Variants in MAML3 observed in about 807,000 individuals in gnomAD.
MAML3 encodes the protein mastermind like transcriptional coactivator 3.
MAML3 carries 27 observed loss-of-function variants against 101.9 expected under a neutral mutation model. The ratio of observed to expected loss-of-function variants is 0.27; its 90% CI spans 0.20 to 0.37. MAML3 has a LOEUF of 0.37. Ranked by LOEUF, MAML3 falls within the 10% of genes least tolerant of loss-of-function variation. MAML3 has a pLI of 1.00. For missense variants in MAML3, 1,316 were observed against 1,444.9 expected, an observed-to-expected ratio of 0.91 and a Z score of 1.45; for synonymous variants, 501 against 555.9, an observed-to-expected ratio of 0.90 and a Z score of 1.39.
intron 1 of MAML3, among the ~76,000 whole-genome samples, chr4:140,140,764 T>C (rs1304728268): frequency 1.1e-4 from 16 of 152,148 alleles, no homozygotes; most frequent in Non-Finnish European, 1.5e-5. Context: ...ACATGTACCT[T>C]GTACAAGGTT....
chr4:139,742,650 G>C (rs1249663642), intron 2 of MAML3, among the ~76,000 whole-genome samples: 1 of 152,192 alleles, frequency 6.6e-6, no homozygotes, highest in Non-Finnish European at 1.5e-5. Context: ...CCTCAGCTGT[G>C]TAAAGGAAAA....
At position 139,979,282 on chromosome 4, in the gene MAML3, T is replaced by C. The variant is rs138440193; in HGVS notation, c.469-88315A>G. 7.2e-5 allele frequency among the ~76,000 whole-genome samples: 11 copies of C among 152,304 alleles called. No homozygotes were observed. The East Asian group carries it at 2.1e-3, about 29-fold the overall frequency. ...CAACATGCTAGAAATGAGTCTAGAC[T>C]TACCTGGCTCATAGCTCCCTCTTTA... is the stretch of plus-strand genomic sequence containing the variant. On this transcript the variant is annotated intron_variant, in intron 1 of 4. Coordinates refer to ENST00000509479, the MANE Select transcript of MAML3 (RefSeq NM_018717.5).
At chr4:139,899,586 C>T (rs1258962608) in intron 1 of MAML3, among the ~76,000 whole-genome samples, 2 of 152,112 alleles carry the variant, frequency 1.3e-5, no homozygotes, top group Admixed American at 6.5e-5. Flanking sequence ...AAAGTGACCA[C>T]ATGCCACACA....
At chr4:140,147,873 C>T (rs189480717) in intron 1 of MAML3, among the ~76,000 whole-genome samples, 185 of 152,010 alleles carry the variant, frequency 1.2e-3, no homozygotes, top group Non-Finnish European at 1.8e-3. Context: ...ACACTGGATC[C>T]CTTCTATGAC....
intron 1 of MAML3, among the ~76,000 whole-genome samples, chr4:140,082,345 C>A (rs1030435000): frequency 1.3e-5 from 2 of 152,304 alleles, no homozygotes; most frequent in African/African-American, 4.8e-5. Flanking sequence ...ATTTTTCAGG[C>A]CTCGTCTAAT....
In MAML3 at chr4:139,876,273, A is replaced by G. The variant is rs190219688; in HGVS notation, c.2079+13084T>C. Among the ~76,000 whole-genome samples, 536 of 152,370 alleles carry G rather than the reference A, an allele frequency of 3.5e-3. 3 individuals carry two copies. Among genetic ancestry groups the G allele is most frequent in the African/African-American group, 0.012 (504 of 41,586 alleles). On this transcript the variant is annotated intron_variant, in intron 2 of 4. Coordinates refer to ENST00000509479, the MANE Select transcript of MAML3 (RefSeq NM_018717.5). ...GCTTTTTACCTTTTGCAACATGGCC[A>G]ATAGAAATTTAAAAATCACATAGTT...
chr4:139,772,240 C>CAAAA lies in MAML3; in HGVS notation c.2080-41577_2080-41574dup, dbSNP rs1213721738. Among the ~76,000 whole-genome samples the CAAAA allele has an allele frequency of 1.1e-3, 45 of 39,262 alleles. 1 individual carries two copies. The highest frequency in any genetic ancestry group is 3.1e-3 in the African/African-American group (21 of 6,726). The allele number at this position is 39,262 out of a possible 152,430, so 25.8% of individuals were successfully genotyped here. A position where few individuals can be genotyped will look rare whatever the true frequency, so the allele number is the denominator to read the frequency against. Reference sequence around the variant, plus strand: ...GGGTGACAGAGCGAGACTCCGTTCTCAAAAAAAAAAAAAAAAAAAAAAAAA... The same window carrying CAAAA: ...GGGTGACAGAGCGAGACTCCGTTCTCAAAAAAAAAAAAAAAAAAAAAAAAAAAAA... On this transcript the variant is annotated intron_variant, in intron 2 of 4. Transcript: ENST00000509479.
intron 1 of MAML3, among the ~76,000 whole-genome samples, chr4:139,923,972 G>A (rs911614117): frequency 6.6e-6 from 1 of 152,212 alleles, no homozygotes. Flanking sequence ...TGTAAAGTCT[G>A]TAGGAATGTT....
At chr4:139,861,941 G>A (rs1731791714) in intron 2 of MAML3, among the ~76,000 whole-genome samples, 1 of 152,154 alleles carries the variant, frequency 6.6e-6, no homozygotes, top group South Asian at 2.1e-4. Context: ...TGGGTGCAGT[G>A]GCTCATCCTA....
At chr4:140,058,965 G>A (rs530325065) in intron 1 of MAML3, among the ~76,000 whole-genome samples, 19 of 152,268 alleles carry the variant, frequency 1.2e-4, no homozygotes, top group Admixed American at 8.5e-4. Flanking sequence ...ATAAAACGCC[G>A]GTAATGGCAT....
At chr4:139,878,761 A>ATT (rs1228571140) in intron 2 of MAML3, among the ~76,000 whole-genome samples, 1 of 152,212 alleles carries the variant, frequency 6.6e-6, no homozygotes, top group African/African-American at 2.4e-5. Context: ...ATTGAGCATC[A>ATT]GAACACGGAA....
At chr4:140,011,892 G>C (rs1198254163) in intron 1 of MAML3, among the ~76,000 whole-genome samples, 1 of 151,992 alleles carries the variant, frequency 6.6e-6, no homozygotes, top group African/African-American at 2.4e-5. Flanking sequence ...TGAAAAGGGA[G>C]GAAAAACTTT....
chr4:139,986,698 G>A (rs1734545691), intron 1 of MAML3, among the ~76,000 whole-genome samples: 1 of 151,922 alleles, frequency 6.6e-6, no homozygotes, highest in Non-Finnish European at 1.5e-5. Flanking sequence ...AGGTGAACCG[G>A]AGAGCAAACT....
chr4:140,054,544 C>T (rs1467334609), intron 1 of MAML3, among the ~76,000 whole-genome samples: 1 of 152,140 alleles, frequency 6.6e-6, no homozygotes, highest in Non-Finnish European at 1.5e-5. Flanking sequence ...GCCTAAGATG[C>T]CTTGCACCTC....
chr4:140,021,310 C>G (rs933354640), intron 1 of MAML3, among the ~76,000 whole-genome samples: 1 of 152,062 alleles, frequency 6.6e-6, no homozygotes, highest in Non-Finnish European at 1.5e-5. Flanking sequence ...GTATGGACTA[C>G]TTAAGCAATA....
intron 2 of MAML3, among the ~76,000 whole-genome samples, chr4:139,846,652 G>C (rs935705100): frequency 1.3e-5 from 2 of 152,166 alleles, no homozygotes; most frequent in Admixed American, 1.3e-4. Flanking sequence ...CCAGACTAAA[G>C]ATGTATTTTA....
intron 2 of MAML3, among the ~76,000 whole-genome samples, chr4:139,823,676 C>T (rs1482249135): frequency 6.6e-6 from 1 of 150,830 alleles, no homozygotes; most frequent in Non-Finnish European, 1.5e-5. Flanking sequence ...TTTCTTTGTT[C>T]CATAGCACTT....
chr4:140,056,418 C>T lies in MAML3; in HGVS notation c.468+96442G>A, dbSNP rs555659405. ...TGTCGCCCAGGCTGGAGTGCAATGG[C>T]GCGATCTCGGCTCACCGCAATCTCT... On this transcript the variant is annotated intron_variant, in intron 1 of 4. Coordinates refer to ENST00000509479, the MANE Select transcript of MAML3 (RefSeq NM_018717.5). Among the ~76,000 whole-genome samples the T allele has an allele frequency of 7.0e-4, 105 of 150,662 alleles. 1 individual carries two copies. Among genetic ancestry groups the T allele is most frequent in the Non-Finnish European group, 1.1e-3 (75 of 67,724 alleles).
intron 1 of MAML3, among the ~76,000 whole-genome samples, chr4:140,035,373 C>G (rs1038542086): frequency 1.3e-5 from 2 of 152,196 alleles, no homozygotes; most frequent in African/African-American, 4.8e-5. Context: ...TATCTGAACA[C>G]AGGACCCAGG....
Sources: allele counts gnomAD v4.1 joint callset (sites outside exome capture counted in the v4.1 genomes callset), GRCh38; gene constraint gnomAD v4.1.1; transcripts MANE v1.5; gene names NCBI Gene and HGNC (gene_info 2026-07-23, HGNC 2026-07-21).